Variants in GRM5 observed in about 807,000 individuals in gnomAD.
GRM5 encodes the protein metabotropic glutamate receptor 5.
A neutral mutation model predicts 83.1 loss-of-function variants in GRM5; 19 were observed. The observed-to-expected ratio is 0.23, with a 90% CI of 0.16 to 0.34. The LOEUF is 0.34. Ranked by LOEUF, GRM5 falls within the 10% of genes least tolerant of loss-of-function variation. GRM5 has a pLI of 1.00. For missense variants in GRM5, 1,160 were observed against 1,588.3 expected (o/e 0.73, Z 4.58); for synonymous variants, 675 against 633.6 (o/e 1.07, Z -0.98).
chr11:88,637,043 T>C (rs1387381269), intron 4 of GRM5, among the ~76,000 whole-genome samples: 5 of 152,134 alleles, frequency 3.3e-5, no homozygotes, highest in African/African-American at 1.2e-4. Context: ...GGGCTCTTTT[T>C]TGGTTCCATA....
chr11:88,731,552 C>T (rs1941808407), intron 3 of GRM5, among the ~76,000 whole-genome samples: 1 of 152,012 alleles, frequency 6.6e-6, no homozygotes, highest in Non-Finnish European at 1.5e-5. Flanking sequence ...CCAAGTTCAA[C>T]CAACATCACT....
intron 2 of GRM5, among the ~76,000 whole-genome samples, chr11:88,942,083 T>C (rs1938133238): frequency 6.6e-6 from 1 of 152,010 alleles, no homozygotes; most frequent in Non-Finnish European, 1.5e-5. Context: ...AGACAAAGCA[T>C]AAAACACAGC....
At chr11:88,517,187 C>A (rs1419066703) in intron 9 of GRM5, among the ~76,000 whole-genome samples, 1 of 151,490 alleles carries the variant, frequency 6.6e-6, no homozygotes, top group Non-Finnish European at 1.5e-5. Flanking sequence ...CATTTACATT[C>A]TTTTAATCTT....
In GRM5 at chr11:88,840,610, A is replaced by T. The variant is rs930517422; in HGVS notation, c.911+9296T>A. On this transcript the variant is annotated intron_variant, in intron 3 of 9. Coordinates refer to ENST00000305447, the MANE Select transcript of GRM5 (RefSeq NM_001143831.3). ...TATTGTATCAGGCTTGAGGGCTTTC[A>T]GGGCTTTTTCCATAACAACAATTGT... 3.9e-5 allele frequency among the ~76,000 whole-genome samples: 6 copies of T among 152,326 alleles called. No homozygotes were observed. In the East Asian group the frequency reaches 7.7e-4, roughly 20 times the overall value.
intron 2 of GRM5, among the ~76,000 whole-genome samples, chr11:89,028,155 T>C (rs1484883579): frequency 1.3e-5 from 2 of 152,196 alleles, no homozygotes; most frequent in Non-Finnish European, 2.9e-5. Flanking sequence ...ATCCAGTCTG[T>C]GGTAGTCTGG....
intron 7 of GRM5, among the ~76,000 whole-genome samples, chr11:88,579,810 A>G (rs1371261500): frequency 3.3e-5 from 5 of 152,224 alleles, no homozygotes; most frequent in Non-Finnish European, 7.3e-5. Context: ...TCCTTATACA[A>G]TGGAGTAACA....
chr11:88,616,200 A>G (rs1267720794), intron 4 of GRM5, among the ~76,000 whole-genome samples: 1 of 152,110 alleles, frequency 6.6e-6, no homozygotes, highest in East Asian at 1.9e-4. Context: ...TTTTGTTAAT[A>G]ATAATATGAT....
At chr11:88,542,570 A>G (rs1942290825) in intron 8 of GRM5, among the ~76,000 whole-genome samples, 1 of 152,204 alleles carries the variant, frequency 6.6e-6, no homozygotes, top group Non-Finnish European at 1.5e-5. Flanking sequence ...GTTGGAATTC[A>G]AAGCTAGGTT....
chr11:88,569,535 C>T (rs1323276538), intron 7 of GRM5, among the ~76,000 whole-genome samples: 1 of 152,192 alleles, frequency 6.6e-6, no homozygotes, highest in Non-Finnish European at 1.5e-5. Flanking sequence ...ACAGAGGATT[C>T]CTGAAAGGAA....
In GRM5 at chr11:88,604,876, G is replaced by A. The variant is rs201452799; in HGVS notation, c.1236C>T (p.His412=). ...NAIYSMAYGL[H]NMQMSLCPGY... ...CTGGGCAGAGGGACATCTGCATGTT[G>A]TGGAGCCCATAGGCCATCGAATAGA... Residue 412 remains histidine (H), a synonymous_variant, in exon 5 of 10, where the codon CAC becomes CAT. Transcript: ENST00000305447. The A allele has an allele frequency of 6.8e-6, 11 of 1,613,362 alleles. No homozygotes were observed. The highest frequency in any genetic ancestry group is 9.3e-6 in the Non-Finnish European group (11 of 1,179,312).
chr11:88,683,181 CAG>C (rs1940536899), intron 3 of GRM5, among the ~76,000 whole-genome samples: 2 of 152,282 alleles, frequency 1.3e-5, no homozygotes, highest in Admixed American at 1.3e-4. Context: ...AGGCAGGTCT[CAG>C]GGGATCATTG....
At chr11:88,740,727 A>G (rs574871349) in intron 3 of GRM5, among the ~76,000 whole-genome samples, 2 of 152,084 alleles carry the variant, frequency 1.3e-5, no homozygotes, top group Non-Finnish European at 2.9e-5. Context: ...TCTCTCTCTC[A>G]TCATTAGCAC....
At chr11:88,533,053 C>T (rs1180053536) in intron 8 of GRM5, among the ~76,000 whole-genome samples, 3 of 152,134 alleles carry the variant, frequency 2.0e-5, no homozygotes, top group Non-Finnish European at 4.4e-5. Context: ...CCATTCCAAC[C>T]TCCACCCAGC....
chr11:89,025,444 TATACTCTAC>T (rs1266464918), intron 2 of GRM5, among the ~76,000 whole-genome samples: 1 of 152,144 alleles, frequency 6.6e-6, no homozygotes, highest in Non-Finnish European at 1.5e-5. Flanking sequence ...GTAGAGTCAA[TATACTCTAC>T]ACTCTTTAAT....
chr11:88,702,064 G>C (rs1186051133), intron 3 of GRM5, among the ~76,000 whole-genome samples: 1 of 152,028 alleles, frequency 6.6e-6, no homozygotes, highest in Non-Finnish European at 1.5e-5. Flanking sequence ...TTATGGTAGG[G>C]AATTCAGTTT....
At chr11:88,816,310 G>T (rs1461450406) in intron 3 of GRM5, among the ~76,000 whole-genome samples, 1 of 150,672 alleles carries the variant, frequency 6.6e-6, no homozygotes, top group Non-Finnish European at 1.5e-5. Flanking sequence ...GGAGGCCTAG[G>T]CAGGTGGATC....
chr11:88,543,394 C>T (rs1942315194), intron 8 of GRM5, among the ~76,000 whole-genome samples: 1 of 152,160 alleles, frequency 6.6e-6, no homozygotes, highest in African/African-American at 2.4e-5. Context: ...GACTGCCTTG[C>T]TTGTGACTGT....
At chr11:88,701,795 A>C (rs1171545280) in intron 3 of GRM5, among the ~76,000 whole-genome samples, 4 of 152,126 alleles carry the variant, frequency 2.6e-5, no homozygotes, top group Non-Finnish European at 2.9e-5. Context: ...AAAAACTTGG[A>C]GTGAGAATAA....
At chr11:88,640,569 C>T (rs1939262036) in intron 4 of GRM5, among the ~76,000 whole-genome samples, 1 of 152,092 alleles carries the variant, frequency 6.6e-6, no homozygotes, top group Non-Finnish European at 1.5e-5. Flanking sequence ...TAATGGAGTC[C>T]TCACAAGACT....
Sources: allele counts gnomAD v4.1 joint callset (sites outside exome capture counted in the v4.1 genomes callset), GRCh38; gene constraint gnomAD v4.1.1; transcripts MANE v1.5; gene names NCBI Gene and HGNC (gene_info 2026-07-23, HGNC 2026-07-21).